Variants in TOX2 observed in about 807,000 individuals in gnomAD.
The protein encoded by TOX2 is granulosa cell HMG box 1.
In TOX2, 15 loss-of-function variants were observed where a neutral mutation model predicts 47.4. The ratio of observed to expected loss-of-function variants is 0.32; its 90% CI spans 0.21 to 0.49. TOX2 has a LOEUF of 0.49. Ranked by LOEUF, TOX2 falls within the 20% of genes least tolerant of loss-of-function variation. The probability of loss-of-function intolerance (pLI) is 0.99; values close to 1 mark genes in which losing one functional copy is unlikely to be tolerated. For missense variants in TOX2, 622 were observed against 673.1 expected (o/e 0.92, Z 0.84); for synonymous variants, 290 against 296.6 (o/e 0.98, Z 0.23).
chr20:43,975,430 C>T (rs1057226109), intron 2 of TOX2, among the ~76,000 whole-genome samples: 3 of 152,186 alleles, frequency 2.0e-5, no homozygotes, highest in African/African-American at 7.2e-5. Flanking sequence ...AATGAGTAGA[C>T]GTTATTGTTC....
chr20:44,052,834 C>T (rs143910445), intron 4 of TOX2, among the ~76,000 whole-genome samples: 106 of 152,324 alleles, frequency 7.0e-4, no homozygotes, highest in African/African-American at 2.4e-3. Context: ...TATGTGCCCT[C>T]AACCCCCTGC....
rs1028815281 is a variant in TOX2, at chr20:44,054,659, G to A, written c.879+133G>A. 6 of 984,602 alleles carry A rather than the reference G, an allele frequency of 6.1e-6. No individual in the cohort carries two copies. The Admixed American group carries it at 7.2e-5, about 12-fold the overall frequency. 61.0% of individuals were successfully genotyped at this position (984,602 alleles called of 1,614,324 possible). A position where few individuals can be genotyped will look rare whatever the true frequency, so the allele number is the denominator to read the frequency against. Reference sequence around the variant, plus strand: ...TTACAGAGGTCTTTCCTGGGCTCAGGTTGCCCATCTGTAAACTGGGAAGCT... The same window carrying A: ...TTACAGAGGTCTTTCCTGGGCTCAGATTGCCCATCTGTAAACTGGGAAGCT... On this transcript the variant is annotated intron_variant, in intron 5 of 8. Transcript: ENST00000341197.
Position 44,051,446 on chromosome 20 carries a change from C to T in TOX2, c.552C>T (p.Ser184=), listed in dbSNP as rs1445413322. The T allele has an allele frequency of 1.9e-6, 3 of 1,613,936 alleles. No homozygotes were observed. In the Admixed American group the frequency reaches 5.0e-5, roughly 27 times the overall value. ...SQLISQMGIR[S]SIAHSSPSPP... ...TCATCTCGCAGATGGGCATCCGGAG[C>T]AGCATCGCCCACAGCTCCCCATCAC... Residue 184 remains serine (S), a synonymous_variant, in exon 4 of 9, where the codon AGC becomes AGT. Transcript: ENST00000341197.
At chr20:43,981,511 C>T (rs904988764) in intron 2 of TOX2, among the ~76,000 whole-genome samples, 3 of 152,056 alleles carry the variant, frequency 2.0e-5, no homozygotes, top group Non-Finnish European at 4.4e-5. Flanking sequence ...CATGCATGTA[C>T]CTCTGTGTGT....
chr20:43,995,702 T>C lies in TOX2; in HGVS notation c.166-10845T>C, dbSNP rs1403473270. ...AGTAGAACCCAGTGTCTGTTTTTCCTTTTCTTGTGTTGATGAGTTCTTATC... is the reference window on the plus strand; with the variant it reads ...AGTAGAACCCAGTGTCTGTTTTTCCCTTTCTTGTGTTGATGAGTTCTTATC... On this transcript the variant is annotated intron_variant, in intron 2 of 8. Transcript: ENST00000341197. Among the ~76,000 whole-genome samples the C allele has an allele frequency of 2.6e-5, 4 of 152,182 alleles. No homozygotes were observed. The East Asian group carries it at 7.7e-4, about 29-fold the overall frequency.
At chr20:44,067,340 G>A (rs2071844145) in intron 8 of TOX2, among the ~76,000 whole-genome samples, 1 of 152,168 alleles carries the variant, frequency 6.6e-6, no homozygotes, top group Non-Finnish European at 1.5e-5. Context: ...GGGAGCCCTG[G>A]AGCATGAACG....
intron 1 of TOX2, among the ~76,000 whole-genome samples, chr20:43,926,699 T>A (rs1210150416): frequency 6.6e-6 from 1 of 152,230 alleles, no homozygotes; most frequent in East Asian, 1.9e-4. Context: ...CCTGTATCAG[T>A]TCCCTTCTTT....
rs993905410 is a variant in TOX2 at position 43,915,610 on chromosome 20, A to T, written c.99+620A>T. 6.6e-6 allele frequency among the ~76,000 whole-genome samples: 1 copy of T among 152,160 alleles called. No homozygotes were observed. The highest frequency in any genetic ancestry group is 1.5e-5 in the Non-Finnish European group (1 of 68,012). ...ATCGTCCTGACGGCCACACAGTCACACGCGGTCACACCCAGGGACGGCCAC... is the reference window on the plus strand; with the variant it reads ...ATCGTCCTGACGGCCACACAGTCACTCGCGGTCACACCCAGGGACGGCCAC... On this transcript the variant is annotated intron_variant, in intron 1 of 8. Transcript: ENST00000341197. The surrounding 1 kb of genome is among the most constrained non-coding windows in gnomAD (Gnocchi z 7.1).
Position 44,026,228 on chromosome 20 carries a change from G to GAGATATATATATATATATAT in TOX2, c.411+19437_411+19438insGATATATATATATATATATA, listed in dbSNP as rs1555842268. On this transcript the variant is annotated intron_variant, in intron 3 of 8. Coordinates refer to ENST00000341197, the MANE Select transcript of TOX2 (RefSeq NM_001098797.2). Reference sequence around the variant, plus strand: ...TCGATCGAGTGGATAAAGAAACTGTGATATATATATATATATATATAGACA... The same window carrying GAGATATATATATATATATAT: ...TCGATCGAGTGGATAAAGAAACTGTGAGATATATATATATATATATATATATATATATATATATATAGACA... 3.4e-3 allele frequency among the ~76,000 whole-genome samples: 207 copies of GAGATATATATATATATATAT among 60,210 alleles called. 3 individuals are homozygous for GAGATATATATATATATATAT. Among genetic ancestry groups the GAGATATATATATATATATAT allele is most frequent in the Middle Eastern group, 0.01 (1 of 98 alleles). 39.5% of individuals were successfully genotyped at this position (60,210 alleles called of 152,430 possible).
At chr20:44,028,824 G>T (rs1336272035) in intron 3 of TOX2, among the ~76,000 whole-genome samples, 2 of 152,170 alleles carry the variant, frequency 1.3e-5, no homozygotes, top group Non-Finnish European at 2.9e-5. Context: ...GCTTGGACAG[G>T]TCATTTTTAG....
At chr20:43,945,881 T>C in intron 1 of TOX2, 6 of 1,608,032 alleles carry the variant, frequency 3.7e-6, no homozygotes, top group Non-Finnish European at 5.1e-6. Flanking sequence ...AGCTTGCTAT[T>C]TCTGGCATTT....
intron 1 of TOX2, among the ~76,000 whole-genome samples, chr20:43,963,552 G>A (rs2069798809): frequency 6.6e-6 from 1 of 152,200 alleles, no homozygotes; most frequent in Non-Finnish European, 1.5e-5. Flanking sequence ...ACTCAGCTCA[G>A]GCAGGTCTTG....
intron 4 of TOX2, among the ~76,000 whole-genome samples, chr20:44,053,520 CACATATATATACATATATACTATATATAT>C (rs1423226910): frequency 7.2e-6 from 1 of 138,544 alleles, no homozygotes; most frequent in African/African-American, 2.8e-5. Context: ...ACTATATATA[CACATATATATACATATATACTATATATAT>C]ACATATATAC....
intron 1 of TOX2, among the ~76,000 whole-genome samples, chr20:43,935,154 G>A (rs1183277767): frequency 1.3e-5 from 2 of 152,094 alleles, no homozygotes; most frequent in Non-Finnish European, 2.9e-5. Context: ...ATTGGGCTTG[G>A]GGTGCGTCAG....
chr20:43,970,841 G>A (rs1180521458), intron 1 of TOX2, among the ~76,000 whole-genome samples: 1 of 152,240 alleles, frequency 6.6e-6, no homozygotes, highest in Admixed American at 6.5e-5. Flanking sequence ...TGTGGAGACA[G>A]TCTATGTTAT....
chr20:43,956,549 G>T (rs888704999), intron 1 of TOX2, among the ~76,000 whole-genome samples: 2 of 137,868 alleles, frequency 1.5e-5, no homozygotes, highest in South Asian at 2.4e-4. Flanking sequence ...TGAGAGTAAG[G>T]TTCTATCTTT....
At chr20:43,986,463 G>A (rs2070267032) in intron 2 of TOX2, among the ~76,000 whole-genome samples, 1 of 152,006 alleles carries the variant, frequency 6.6e-6, no homozygotes, top group Admixed American at 6.6e-5. Context: ...TGTATTTTTA[G>A]TAGAAATGGG....
intron 1 of TOX2, among the ~76,000 whole-genome samples, chr20:43,949,526 A>C (rs1218148704): frequency 6.6e-6 from 1 of 152,044 alleles, no homozygotes; most frequent in Non-Finnish European, 1.5e-5. Flanking sequence ...CACCTGTCTG[A>C]TCTCACTTTT....
intron 3 of TOX2, among the ~76,000 whole-genome samples, chr20:44,029,344 T>G (rs6103574): frequency 0.7 from 106,610 of 152,090 alleles, 37,754 homozygotes; most frequent in Middle Eastern, 0.8. Flanking sequence ...TAACCGTGGG[T>G]AAGAGGATGT....
Sources: gnomAD v4.1 joint callset for allele counts (sites outside exome capture counted in the v4.1 genomes callset) on GRCh38, gnomAD v4.1.1 for gene constraint, Gnocchi (gnomAD v3.1) non-coding constraint, MANE v1.5 for transcripts, NCBI Gene and HGNC (gene_info 2026-07-23, HGNC 2026-07-21) for gene names.